The following SYNE1 variants were observed in gnomAD, a reference collection of about 807,000 sequenced individuals.
SYNE1 encodes the protein nesprin-1.
A neutral mutation model predicts 1,111.0 loss-of-function variants in SYNE1; 616 were observed. That is an observed-to-expected ratio of 0.55 (90% CI 0.52 to 0.59). The LOEUF (loss-of-function observed/expected upper bound fraction) is 0.59, where lower values mean the gene tolerates loss of function less well. Among genes scored for constraint, SYNE1 ranks in the 20% least tolerant of loss-of-function variants. The probability of loss-of-function intolerance (pLI) is 0.00; values close to 1 mark genes in which losing one functional copy is unlikely to be tolerated. For synonymous variants in SYNE1, 3,855 were observed against 3,825.8 expected (o/e 1.01, Z -0.28); for missense variants, 10,006 against 10,417.0 (o/e 0.96, Z 1.72).
chr6:152,341,334 T>C (rs181928037), intron 74 of SYNE1, among the ~76,000 whole-genome samples: 25 of 152,312 alleles, frequency 1.6e-4, no homozygotes, highest in Middle Eastern at 3.4e-3. Context: ...TTGAAAGGAA[T>C]GATGGTATGA....
intron 34 of SYNE1, among the ~76,000 whole-genome samples, chr6:152,432,318 C>T (rs2098436765): frequency 6.6e-6 from 1 of 152,032 alleles, no homozygotes; most frequent in Non-Finnish European, 1.5e-5. Flanking sequence ...TATTTTAAAC[C>T]TTTCCTATAA....
In SYNE1 at chr6:152,626,710, C is replaced by T. The variant is rs185659004; in HGVS notation, c.67+1555G>A. ...ACATGTACCACTCACACTGAAGCAT[C>T]ACAAACCAGTCCAGGCAGATAAACA... is the stretch of plus-strand genomic sequence containing the variant. On this transcript the variant is annotated intron_variant, in intron 3 of 145. Coordinates refer to ENST00000367255, the MANE Select transcript of SYNE1 (RefSeq NM_182961.4). Among the ~76,000 whole-genome samples, 354 of 152,316 alleles carry T rather than the reference C, an allele frequency of 2.3e-3. 3 individuals are homozygous for T. Among genetic ancestry groups the T allele is most frequent in the African/African-American group, 7.4e-3 (306 of 41,572 alleles).
chr6:152,425,818 G>A (rs112881711), intron 38 of SYNE1, among the ~76,000 whole-genome samples: 8 of 152,300 alleles, frequency 5.3e-5, no homozygotes, highest in African/African-American at 7.2e-5. Context: ...AATAAAATGC[G>A]ACTAAAACCT....
intron 18 of SYNE1, among the ~76,000 whole-genome samples, chr6:152,463,742 A>G (rs1173233240): frequency 6.6e-6 from 1 of 152,198 alleles, no homozygotes; most frequent in African/African-American, 2.4e-5. Flanking sequence ...CATTTGCCGA[A>G]GACAAAACAA....
chr6:152,419,832 A>G (rs1395144091), intron 39 of SYNE1, 110 bp from the exon 40 acceptor site: 1 of 1,068,350 alleles, frequency 9.4e-7, no homozygotes, highest in Non-Finnish European at 1.4e-6. Context: ...GTTGTCACAC[A>G]TGAACACTCT....
intron 128 of SYNE1, among the ~76,000 whole-genome samples, chr6:152,184,437 CAAAA>C (rs199660419): frequency 1.9e-5 from 2 of 104,716 alleles, no homozygotes; most frequent in Non-Finnish European, 2.1e-5. Flanking sequence ...AACTCTGTTT[CAAAA>C]AAAAAAAAAA....
intron 56 of SYNE1, among the ~76,000 whole-genome samples, chr6:152,380,300 C>A (rs2097382192): frequency 6.6e-6 from 1 of 152,192 alleles, no homozygotes; most frequent in Non-Finnish European, 1.5e-5. Context: ...TGAATCAGGG[C>A]ATTATAAAAC....
chr6:152,247,750 TAC>T (rs61420132), intron 105 of SYNE1, among the ~76,000 whole-genome samples: 2,676 of 112,264 alleles, frequency 0.024, 57 homozygotes, highest in African/African-American at 0.056. Context: ...TATATATATA[TAC>T]ACACACACAC....
intron 6 of SYNE1, among the ~76,000 whole-genome samples, chr6:152,514,129 T>C (rs1348187420): frequency 6.6e-6 from 1 of 152,172 alleles, no homozygotes; most frequent in Non-Finnish European, 1.5e-5. Flanking sequence ...CATTACTGGG[T>C]ATATACCCAA....
chr6:152,451,308 T>A, intron 25 of SYNE1, 103 bp from the exon 26 acceptor site: 1 of 1,205,372 alleles, frequency 8.3e-7, no homozygotes, highest in Non-Finnish European at 1.2e-6. Flanking sequence ...AACATATTCC[T>A]TTTAGGGCCA....
chr6:152,484,038 C>CAAAAAAA (rs773019397), intron 13 of SYNE1, among the ~76,000 whole-genome samples: 15 of 53,520 alleles, frequency 2.8e-4, no homozygotes, highest in African/African-American at 3.5e-4. Flanking sequence ...CTCATCTCTA[C>CAAAAAAA]AAAAAAAAAA....
At chr6:152,562,958 G>T (rs1387978785) in intron 3 of SYNE1, among the ~76,000 whole-genome samples, 1 of 151,900 alleles carries the variant, frequency 6.6e-6, no homozygotes, top group Non-Finnish European at 1.5e-5. Flanking sequence ...AGGAAGAAAA[G>T]ATTTTAAACT....
At chr6:152,163,002 T>C (rs2062837053) in intron 131 of SYNE1, among the ~76,000 whole-genome samples, 1 of 152,172 alleles carries the variant, frequency 6.6e-6, no homozygotes, top group Non-Finnish European at 1.5e-5. Context: ...ACATAAACTA[T>C]AAGATTTTAA....
At chr6:152,384,489 A>G (rs925044499) in intron 55 of SYNE1, among the ~76,000 whole-genome samples, 8 of 152,252 alleles carry the variant, frequency 5.3e-5, no homozygotes, top group African/African-American at 1.9e-4. Context: ...ACACAAAAAA[A>G]GGACTTAAAA....
intron 2 of SYNE1, among the ~76,000 whole-genome samples, chr6:152,629,459 G>A (rs1000097411): frequency 7.1e-6 from 1 of 139,888 alleles, no homozygotes; most frequent in Non-Finnish European, 1.5e-5. Context: ...GCCCACCTCG[G>A]CCTCCCAAAC....
At chr6:152,402,707 A>C (rs2097840776) in intron 46 of SYNE1, 1 of 152,106 alleles carries the variant, frequency 6.6e-6, no homozygotes, top group Non-Finnish European at 1.5e-5. Flanking sequence ...TTGAGTATAC[A>C]TAGGGGTGCA....
chr6:152,484,781 A>C (rs2098930714), intron 13 of SYNE1, 54 bp downstream of exon 13: 2 of 1,591,008 alleles, frequency 1.3e-6, no homozygotes, highest in Non-Finnish European at 1.7e-6. Context: ...ATGATGAAAA[A>C]TATTCTTTTC....
rs756797527 is a variant in SYNE1 at position 152,330,560 on chromosome 6, C to T, written c.14125G>A (p.Ala4709Thr). 11 of 1,613,956 alleles carry T rather than the reference C, an allele frequency of 6.8e-6. No homozygotes were observed. The highest frequency in any genetic ancestry group is 9.3e-6 in the Non-Finnish European group (11 of 1,180,040). ...CTGCAACCATCTTGCAGAGAAAGAG[C>T]CTCCTCAACGGCCAGGTCGGTGGGA... ...KVPTDLAVEE[A>T]LSLQDGCRAI... is the part of the protein sequence containing the mutation. Residue 4709 changes from alanine to threonine, a missense_variant, in exon 78 of 146, where the codon GCT becomes ACT. By Grantham distance (58) the Ala-to-Thr change is moderately conservative. Coordinates refer to ENST00000367255, the MANE Select transcript of SYNE1 (RefSeq NM_182961.4).
In SYNE1 at chr6:152,267,020, T is replaced by C. The variant is rs952191410; in HGVS notation, c.18815+1036A>G. Among the ~76,000 whole-genome samples the C allele has an allele frequency of 4.6e-5, 7 of 152,328 alleles. No individual in the cohort carries two copies. In the South Asian group the frequency reaches 1.4e-3, roughly 32 times the overall value. On this transcript the variant is annotated intron_variant, in intron 100 of 145. Transcript: ENST00000367255. ...CTTTATATCACATTTTTACTTAGCA[T>C]CATACATTTATTTTTTGATACGGTT...
Sources: allele counts gnomAD v4.1 joint callset (sites outside exome capture counted in the v4.1 genomes callset), GRCh38; gene constraint gnomAD v4.1.1; transcripts MANE v1.5; gene names NCBI Gene and HGNC (gene_info 2026-07-23, HGNC 2026-07-21).